ABCB1: variants seen among roughly 807,000 people sequenced by gnomAD.
ABCB1 encodes ATP binding cassette subfamily B member 1.
Under a neutral mutation model 142.0 loss-of-function variants are expected in ABCB1, and 69 were observed. That is an observed-to-expected ratio of 0.49 (90% CI 0.40 to 0.59). The LOEUF (loss-of-function observed/expected upper bound fraction) is 0.59, where lower values mean the gene tolerates loss of function less well. ABCB1 is among the 20% of genes least tolerant of loss of function. The pLI is 0.00. For synonymous variants in ABCB1, 532 were observed against 539.2 expected, an observed-to-expected ratio of 0.99 and a Z score of 0.18; for missense variants, 1,326 against 1,554.7, an observed-to-expected ratio of 0.85 and a Z score of 2.47.
chr7:87,553,687 A>G, intron 9 of ABCB1, 74 bp downstream of exon 9: 2 of 1,477,404 alleles, frequency 1.4e-6, no homozygotes, highest in Non-Finnish European at 1.9e-6. Flanking sequence ...ATATTCTTCT[A>G]AAGTCAAGCC....
chr7:87,551,075 G>A (rs182398130), intron 9 of ABCB1, among the ~76,000 whole-genome samples: 11 of 152,230 alleles, frequency 7.2e-5, no homozygotes, highest in African/African-American at 2.2e-4. Context: ...AGGATGGAGT[G>A]CAGTGGTGCA....
intron 1 of ABCB1, among the ~76,000 whole-genome samples, chr7:87,619,555 A>G (rs967840235): frequency 6.6e-6 from 1 of 151,580 alleles, no homozygotes; most frequent in Non-Finnish European, 1.5e-5. Context: ...AAAAAAAAAA[A>G]GTAAACTTGA....
chr7:87,579,186 C>A (rs912873807), intron 4 of ABCB1, among the ~76,000 whole-genome samples: 1 of 152,170 alleles, frequency 6.6e-6, no homozygotes, highest in Non-Finnish European at 1.5e-5. Flanking sequence ...AATTTGACTT[C>A]TTCCTTTCCA....
chr7:87,568,417 A>T (rs938777423), intron 5 of ABCB1, among the ~76,000 whole-genome samples: 42 of 151,838 alleles, frequency 2.8e-4, no homozygotes, highest in Non-Finnish European at 1.5e-4. Context: ...CCATCTCAAA[A>T]AAAAAAAATG....
intron 5 of ABCB1, among the ~76,000 whole-genome samples, chr7:87,567,404 C>T (rs760152447): frequency 2.0e-5 from 3 of 152,182 alleles, no homozygotes; most frequent in Non-Finnish European, 2.9e-5. Context: ...AGGTAAGACC[C>T]ACCACTGTAA....
At chr7:87,533,318 T>C (rs1816144315) in intron 20 of ABCB1, among the ~76,000 whole-genome samples, 1 of 152,150 alleles carries the variant, frequency 6.6e-6, no homozygotes, top group South Asian at 2.1e-4. Flanking sequence ...AGAGAAGCTC[T>C]TAGAATATCA....
At chr7:87,535,162 C>G (rs990554373) in intron 20 of ABCB1, among the ~76,000 whole-genome samples, 1 of 152,054 alleles carries the variant, frequency 6.6e-6, no homozygotes, top group Non-Finnish European at 1.5e-5. Flanking sequence ...ATGCTTGCCC[C>G]CTTCGGCCTA....
chr7:87,683,040 C>T (rs969626686), intron 1 of ABCB1, among the ~76,000 whole-genome samples: 4 of 152,210 alleles, frequency 2.6e-5, no homozygotes, highest in African/African-American at 9.7e-5. Context: ...CTTGCTGCTT[C>T]ACCTTTTTGT....
intron 1 of ABCB1, among the ~76,000 whole-genome samples, chr7:87,625,114 G>T (rs540560916): frequency 6.6e-6 from 1 of 152,072 alleles, no homozygotes; most frequent in Non-Finnish European, 1.5e-5. Context: ...AAAATTAGCC[G>T]GGCGTGGTGG....
chr7:87,550,044 T>C lies in ABCB1; in HGVS notation c.1361A>G (p.Asp454Gly). Residue 454 changes from aspartate (D) to glycine (G), a missense_variant, in exon 13 of 28, where the codon GAT becomes GGT. By Grantham distance (94) the Asp-to-Gly change is moderately conservative (BLOSUM62 -1). Transcript: ENST00000622132. ...ATTTATGGTCCTAATATCCTGTCCA[T>C]CAACACTGACCTGGAATAAAAAGTA... Reference protein sequence around the residue: ...YDPTEGMVSVDGQDIRTINVR... With the variant: ...YDPTEGMVSVGGQDIRTINVR... The C allele has an allele frequency of 6.2e-7, 1 of 1,614,210 alleles. No homozygotes were observed. Among genetic ancestry groups the C allele is most frequent in the Admixed American group, 1.7e-5 (1 of 60,032 alleles).
At chr7:87,583,470 G>A (rs1190832638) in intron 4 of ABCB1, among the ~76,000 whole-genome samples, 1 of 152,186 alleles carries the variant, frequency 6.6e-6, no homozygotes, top group Admixed American at 6.5e-5. Context: ...GACTAGAAGA[G>A]TGAGCTGAAT....
chr7:87,568,308 C>T (rs1365802520), intron 5 of ABCB1, among the ~76,000 whole-genome samples: 1 of 133,362 alleles, frequency 7.5e-6, no homozygotes, highest in East Asian at 2.4e-4. Context: ...GTAATCCCAG[C>T]TACTCAGGAG....
intron 21 of ABCB1, chr7:87,522,161 G>C (rs893578911): frequency 2.1e-5 from 31 of 1,452,454 alleles, no homozygotes; most frequent in East Asian, 9.0e-5. Context: ...AGCTGTGGTG[G>C]TGGTGGATAT....
intron 3 of ABCB1, among the ~76,000 whole-genome samples, chr7:87,590,165 G>C (rs13229143): frequency 0.41 from 62,122 of 152,066 alleles, 14,717 homozygotes; most frequent in South Asian, 0.65. Flanking sequence ...GTCAGGCTTG[G>C]TTCTAGGTAC....
At chr7:87,534,552 C>G (rs1023757488) in intron 20 of ABCB1, among the ~76,000 whole-genome samples, 1 of 152,118 alleles carries the variant, frequency 6.6e-6, no homozygotes, top group African/African-American at 2.4e-5. Context: ...CACAAACTTA[C>G]CATGTCTCAT....
At chr7:87,509,197 C>T in intron 26 of ABCB1, 78 bp downstream of exon 26, 2 of 1,469,366 alleles carry the variant, frequency 1.4e-6, no homozygotes, top group Non-Finnish European at 1.9e-6. Context: ...TTCTGGGAGA[C>T]CAGCCCCTTA....
rs769234347 is a variant in ABCB1, at chr7:87,585,483, A to G, written c.286+29T>C. The G allele has an allele frequency of 3.1e-6, 5 of 1,611,012 alleles. No individual in the cohort carries two copies. In the African/African-American group the frequency reaches 5.3e-5, roughly 17 times the overall value. ...GTGCTTGTTTTTGCTGCAAGTTTCC[A>G]ATAAAATTGGTACACAAACAATACT... On this transcript the variant is annotated intron_variant, in intron 4 of 27. Coordinates refer to ENST00000622132, the MANE Select transcript of ABCB1 (RefSeq NM_001348946.2).
intron 25 of ABCB1, among the ~76,000 whole-genome samples, chr7:87,514,582 G>A (rs895723408): frequency 2.6e-5 from 4 of 152,022 alleles, no homozygotes; most frequent in Non-Finnish European, 5.9e-5. Context: ...AAATGCTCAA[G>A]AGTTCAACCC....
intron 1 of ABCB1, among the ~76,000 whole-genome samples, chr7:87,618,186 C>T (rs1340380634): frequency 1.3e-5 from 2 of 152,146 alleles, no homozygotes; most frequent in African/African-American, 4.8e-5. Flanking sequence ...CCTGCCCCAA[C>T]TTCTTTTATA....
Sources: allele counts gnomAD v4.1 joint callset (sites outside exome capture counted in the v4.1 genomes callset), GRCh38; gene constraint gnomAD v4.1.1; transcripts MANE v1.5; gene names NCBI Gene and HGNC (gene_info 2026-07-23, HGNC 2026-07-21).